The following RBFOX1 variants were observed in gnomAD, a reference collection of about 807,000 sequenced individuals.
The protein encoded by RBFOX1 is RNA binding protein fox-1 homolog 1.
Under a neutral mutation model 57.7 loss-of-function variants are expected in RBFOX1, and 8 were observed. The ratio of observed to expected loss-of-function variants is 0.14; its 90% confidence interval spans 0.08 to 0.25. The LOEUF (loss-of-function observed/expected upper bound fraction) is 0.25. Among genes scored for constraint, RBFOX1 ranks in the 10% least tolerant of loss-of-function variants. RBFOX1 has a pLI of 1.00. For missense variants in RBFOX1, 611 were observed against 548.5 expected, an observed-to-expected ratio of 1.11 and a Z score of -1.14; for synonymous variants, 326 against 222.4, an observed-to-expected ratio of 1.47 and a Z score of -4.15.
At chr16:5,710,753 C>G (rs555577056) in intron 3 of RBFOX1, among the ~76,000 whole-genome samples, 1 of 152,104 alleles carries the variant, frequency 6.6e-6, no homozygotes, top group Non-Finnish European at 1.5e-5. Context: ...AGCCTATTAC[C>G]GGCTCTGTGT....
chr16:5,589,070 G>A lies in RBFOX1; in HGVS notation c.259-9832G>A, dbSNP rs1217358977. ...ATCCATCAGGGATGGCAGGGCCAAG[G>A]CAGTGGGTATGGAGTGGGGTGGGAA... On this transcript the variant is annotated intron_variant, in intron 2 of 2. Coordinates refer to the RBFOX1 transcript ENST00000585867. Among the ~76,000 whole-genome samples, 3 of 152,212 alleles carry A rather than the reference G, an allele frequency of 2.0e-5. No individual in the cohort carries two copies. In the East Asian group the frequency reaches 5.8e-4, roughly 29 times the overall value.
intron 3 of RBFOX1, chr16:7,004,163 G>A (rs1048082178): frequency 6.6e-6 from 1 of 151,910 alleles, no homozygotes; most frequent in South Asian, 2.1e-4. Flanking sequence ...TAAATCTTAT[G>A]CACAGAAGAA....
At chr16:6,270,174 C>T (rs2075031808) in intron 1 of RBFOX1, among the ~76,000 whole-genome samples, 1 of 143,464 alleles carries the variant, frequency 7.0e-6, no homozygotes, top group African/African-American at 2.5e-5. Flanking sequence ...AACTGAAAAA[C>T]ACAACAGAAA....
intron 2 of RBFOX1, among the ~76,000 whole-genome samples, chr16:6,447,786 A>G (rs542716064): frequency 6.6e-6 from 1 of 152,330 alleles, no homozygotes; most frequent in South Asian, 2.1e-4. Context: ...CAGTAAATTA[A>G]ACCTTTTATT....
intron 3 of RBFOX1, among the ~76,000 whole-genome samples, chr16:7,028,824 T>C (rs1252806173): frequency 6.6e-6 from 1 of 150,962 alleles, no homozygotes; most frequent in Non-Finnish European, 1.5e-5. Flanking sequence ...GCCAGCAGTA[T>C]GTGGACAGCT....
intron 1 of RBFOX1, among the ~76,000 whole-genome samples, chr16:6,068,224 G>C (rs1359700999): frequency 2.6e-5 from 4 of 152,180 alleles, no homozygotes; most frequent in African/African-American, 9.7e-5. Flanking sequence ...TCCAGTGCAA[G>C]CTCCCTGGCA....
At chr16:5,454,759 C>CCTTTTCTTTTTTT in intron 1 of RBFOX1, among the ~76,000 whole-genome samples, 1 of 75,970 alleles carries the variant, frequency 1.3e-5, no homozygotes, top group Middle Eastern at 5.3e-3. Context: ...CTTTTCTTTT[C>CCTTTTCTTTTTTT]TTTCTTTCTC....
At chr16:5,890,100 C>T (rs573459623) in intron 4 of RBFOX1, among the ~76,000 whole-genome samples, 1 of 152,142 alleles carries the variant, frequency 6.6e-6, no homozygotes, top group African/African-American at 2.4e-5. Context: ...CTTGGGTAAA[C>T]TGTACTCTTT....
At chr16:6,746,426 C>T (rs559897889) in intron 3 of RBFOX1, among the ~76,000 whole-genome samples, 1 of 152,234 alleles carries the variant, frequency 6.6e-6, no homozygotes, top group East Asian at 1.9e-4. Context: ...CCTGTAATCT[C>T]AGCACTATGG....
chr16:5,354,997 G>A (rs7199597), intron 1 of RBFOX1, among the ~76,000 whole-genome samples: 37,677 of 132,584 alleles, frequency 0.28, 5,876 homozygotes, highest in Non-Finnish European at 0.39. Context: ...GAAGGGATGT[G>A]TATGTGTATA....
chr16:6,054,956 G>A (rs927412216), intron 1 of RBFOX1, among the ~76,000 whole-genome samples: 8 of 151,898 alleles, frequency 5.3e-5, no homozygotes, highest in African/African-American at 1.9e-4. Flanking sequence ...CTAATTTTTT[G>A]TATTTTTAGT....
intron 2 of RBFOX1, among the ~76,000 whole-genome samples, chr16:6,373,603 G>C (rs1285093888): frequency 6.6e-6 from 1 of 152,052 alleles, no homozygotes; most frequent in Non-Finnish European, 1.5e-5. Context: ...TCGGATGAGA[G>C]GATGGTTGGC....
At chr16:5,885,251 G>A (rs895852073) in intron 4 of RBFOX1, among the ~76,000 whole-genome samples, 4 of 151,448 alleles carry the variant, frequency 2.6e-5, no homozygotes, top group Non-Finnish European at 5.9e-5. Context: ...ATCATTAAGG[G>A]AGGTGTCATA....
chr16:5,477,045 G>A (rs981166326), intron 2 of RBFOX1, among the ~76,000 whole-genome samples: 1 of 152,042 alleles, frequency 6.6e-6, no homozygotes, highest in Non-Finnish European at 1.5e-5. Flanking sequence ...GACAGGTCTC[G>A]CTCTGTCACC....
At chr16:7,311,926 G>T (rs536628873) in intron 4 of RBFOX1, among the ~76,000 whole-genome samples, 1 of 151,920 alleles carries the variant, frequency 6.6e-6, no homozygotes, top group African/African-American at 2.4e-5. Context: ...GAGCAAGATA[G>T]TTTTTTTTTG....
chr16:6,654,782 C>A, intron 3 of RBFOX1, 132 bp downstream of exon 3: 3 of 603,712 alleles, frequency 5.0e-6, no homozygotes, highest in Admixed American at 8.2e-5. Context: ...TATTTAAAGA[C>A]AATCAGACTT....
At chr16:6,074,115 A>AT (rs371773649) in intron 1 of RBFOX1, among the ~76,000 whole-genome samples, 4 of 151,920 alleles carry the variant, frequency 2.6e-5, no homozygotes, top group South Asian at 2.1e-4. Flanking sequence ...CGCCTGGCTA[A>AT]TTTTTTGTAG....
chr16:5,582,890 C>A (rs553185881), intron 2 of RBFOX1, among the ~76,000 whole-genome samples: 182 of 152,198 alleles, frequency 1.2e-3, no homozygotes, highest in African/African-American at 4.2e-3. Flanking sequence ...TTAGGCTTAC[C>A]CTCTGTGGGC....
intron 9 of RBFOX1, 22 bp from the exon 10 acceptor site, chr16:7,607,263 G>C: frequency 6.2e-7 from 1 of 1,600,280 alleles, no homozygotes; most frequent in Non-Finnish European, 8.5e-7. Context: ...TGATAATAAT[G>C]TTTTTGTGTA....
Sources: allele counts gnomAD v4.1 joint callset (sites outside exome capture counted in the v4.1 genomes callset), GRCh38; gene constraint gnomAD v4.1.1; transcripts MANE v1.5; gene names NCBI Gene and HGNC (gene_info 2026-07-23, HGNC 2026-07-21).